Variants in WAC observed in about 807,000 individuals in gnomAD.
The protein encoded by WAC is WW domain-containing adapter protein with coiled-coil.
WAC carries 11 observed loss-of-function variants against 79.6 expected under a neutral mutation model. The ratio of observed to expected loss-of-function variants is 0.14; its 90% CI spans 0.09 to 0.23. The LOEUF is 0.23. Among genes scored for constraint, WAC ranks in the 10% least tolerant of loss-of-function variants. The pLI is 1.00. For synonymous variants in WAC, 304 were observed against 276.9 expected (o/e 1.10, Z -0.97); for missense variants, 728 against 773.5 (o/e 0.94, Z 0.70).
chr10:28,534,945 A>G (rs1836552421), intron 2 of WAC, among the ~76,000 whole-genome samples: 1 of 152,234 alleles, frequency 6.6e-6, no homozygotes, highest in Non-Finnish European at 1.5e-5. Context: ...GTGTTAGAAT[A>G]AAGCTAAACG....
intron 8 of WAC, among the ~76,000 whole-genome samples, chr10:28,609,647 C>CT (rs1312869185): frequency 6.6e-6 from 1 of 152,124 alleles, no homozygotes; most frequent in Non-Finnish European, 1.5e-5. Context: ...CCAGCACTTG[C>CT]TGAGGCTGGT....
intron 3 of WAC, among the ~76,000 whole-genome samples, chr10:28,566,606 T>C (rs907777546): frequency 1.1e-4 from 16 of 152,238 alleles, no homozygotes; most frequent in African/African-American, 3.6e-4. Context: ...TTGCTTTTAC[T>C]CATGAATGAC....
intron 7 of WAC, among the ~76,000 whole-genome samples, chr10:28,607,015 C>G (rs571612302): frequency 1.3e-5 from 2 of 152,136 alleles, no homozygotes; most frequent in Non-Finnish European, 1.5e-5. Flanking sequence ...TGTCCTGATT[C>G]TGAATGAAGT....
chr10:28,619,961 A>T lies in WAC; in HGVS notation c.*355A>T, dbSNP rs753614021. The stretch of plus-strand genomic sequence containing the variant: ...ACCTGTCTGCAAAATTAGCTTTTTT[A>T]AAAAAAAAAAAAAAAAAATTGGGGG... On this transcript the variant is annotated 3_prime_UTR_variant, in exon 14 of 14. Transcript: ENST00000354911. 0.014 allele frequency: 1,026 copies of T among 71,432 alleles called. 10 individuals carry two copies. The highest frequency in any genetic ancestry group is 0.038 in the African/African-American group (894 of 23,298). 4.4% of individuals were successfully genotyped at this position (71,432 alleles called of 1,614,324 possible).
intron 2 of WAC, 158 bp from the exon 3 acceptor site, chr10:28,535,404 T>G (rs1375770689): frequency 3.5e-6 from 3 of 851,214 alleles, no homozygotes; most frequent in Middle Eastern, 7.6e-4. Context: ...AGGTTTTTTG[T>G]CTGAGAAACT....
intron 3 of WAC, among the ~76,000 whole-genome samples, chr10:28,575,305 C>G (rs934159128): frequency 6.6e-6 from 1 of 152,168 alleles, no homozygotes; most frequent in African/African-American, 2.4e-5. Context: ...GCCATCTTTA[C>G]GTCCCCGAGT....
At position 28,583,500 on chromosome 10, in the gene WAC, G is replaced by T; in HGVS notation, c.376G>T (p.Asp126Tyr). 1 of 1,541,818 alleles carries T rather than the reference G, an allele frequency of 6.5e-7. No individual in the cohort carries two copies. The highest frequency in any genetic ancestry group is 1.2e-5 in the South Asian group (1 of 81,774). Reference sequence around the variant, plus strand: ...AAGCAATAACCCAAGCAAAACTTCAGATGCAGTAAGTATTATAAACATGTC... The same window carrying T: ...AAGCAATAACCCAAGCAAAACTTCATATGCAGTAAGTATTATAAACATGTC... ...NPSNNPSKTSDAPYDSADDWS... is the reference protein window; with the variant it reads ...NPSNNPSKTSYAPYDSADDWS... The change falls in exon 4 of 14, where the codon GAT becomes TAT. Residue 126 changes from aspartate (D) to tyrosine (Y), a missense_variant. By Grantham distance (160) the Asp-to-Tyr change is radical. This residue lies in a region of WAC where 648 missense variants were observed against 661.5 expected (regional missense o/e 0.98). Transcript: ENST00000354911.
chr10:28,589,580 C>T, intron 4 of WAC, 156 bp from the exon 5 acceptor site: 1 of 399,284 alleles, frequency 2.5e-6, no homozygotes, highest in East Asian at 3.9e-5. Context: ...TTTTCATAAA[C>T]TAAGGTCTTA....
chr10:28,599,390 T>C (rs1840529649), intron 7 of WAC, among the ~76,000 whole-genome samples: 2 of 152,170 alleles, frequency 1.3e-5, no homozygotes, highest in South Asian at 2.1e-4. Context: ...TGACAGATAA[T>C]AGGCAGTGTG....
At position 28,581,565 on chromosome 10, in the gene WAC, T is replaced by G. The variant is rs926176103; in HGVS notation, c.275-1834T>G. Among the ~76,000 whole-genome samples, 47 of 152,100 alleles carry G rather than the reference T, an allele frequency of 3.1e-4. 2 individuals are homozygous for G. Among genetic ancestry groups the G allele is most frequent in the Non-Finnish European group, 2.9e-5 (2 of 68,016 alleles). ...CTTTTTGTTTGTTTGTTTGTTTGTT[T>G]GTTTTTTGAGACAGAGTCTTGCTCT... On this transcript the variant is annotated intron_variant, in intron 3 of 13. Transcript: ENST00000354911.
chr10:28,614,345 G>A lies in WAC; in HGVS notation c.1438-222G>A, dbSNP rs189599844. Among the ~76,000 whole-genome samples the A allele has an allele frequency of 0.024, 3,728 of 152,186 alleles. 145 individuals carry two copies. Among genetic ancestry groups the A allele is most frequent in the African/African-American group, 0.084 (3,507 of 41,514 alleles). On this transcript the variant is annotated intron_variant, in intron 10 of 13. Transcript: ENST00000354911. ...CCTGACCTCGTGATCCGCCCGCCTC[G>A]GCCTCCCAAAGTGCTGGGATTACAG...
At chr10:28,593,557 C>CCT (rs1448398965) in intron 6 of WAC, among the ~76,000 whole-genome samples, 1 of 151,690 alleles carries the variant, frequency 6.6e-6, no homozygotes, top group Non-Finnish European at 1.5e-5. Context: ...CATCTGAAGT[C>CCT]AAGAGTTTGA....
intron 6 of WAC, among the ~76,000 whole-genome samples, chr10:28,593,808 T>A (rs888855642): frequency 7.2e-5 from 11 of 152,188 alleles, no homozygotes; most frequent in Non-Finnish European, 1.6e-4. Flanking sequence ...TGGATAAAAT[T>A]TTTAATTTGC....
chr10:28,552,211 A>G (rs1034516494), intron 3 of WAC, among the ~76,000 whole-genome samples: 2 of 152,064 alleles, frequency 1.3e-5, no homozygotes, highest in African/African-American at 2.4e-5. Flanking sequence ...ATTCTTAGGT[A>G]TATGTGTGGT....
chr10:28,609,926 CTTTTTT>C (rs35905966), intron 8 of WAC, among the ~76,000 whole-genome samples: 3 of 115,680 alleles, frequency 2.6e-5, no homozygotes, highest in Non-Finnish European at 5.2e-5. Context: ...TTCCTAAATA[CTTTTTT>C]TTTTTTTTTT....
chr10:28,591,311 C>G (rs1425869602), intron 6 of WAC: 2 of 157,148 alleles, frequency 1.3e-5, no homozygotes, highest in African/African-American at 4.9e-5. Context: ...ACTAATTTCA[C>G]CATGATCACA....
intron 3 of WAC, among the ~76,000 whole-genome samples, chr10:28,569,314 C>T (rs1396994388): frequency 6.6e-6 from 1 of 152,072 alleles, no homozygotes; most frequent in Non-Finnish European, 1.5e-5. Context: ...TATGCAAAAA[C>T]TTTTTCATAT....
chr10:28,550,951 G>A (rs1293700734), intron 3 of WAC, among the ~76,000 whole-genome samples: 3 of 152,178 alleles, frequency 2.0e-5, no homozygotes, highest in Non-Finnish European at 2.9e-5. Context: ...GAATACTGAA[G>A]TGACATTTTA....
At position 28,610,679 on chromosome 10, in the gene WAC, A is replaced by G. The variant is rs749114898; in HGVS notation, c.1166-20A>G. 1.6e-5 allele frequency: 26 copies of G among 1,596,386 alleles called. No individual in the cohort carries two copies. Among genetic ancestry groups the G allele is most frequent in the Non-Finnish European group, 2.0e-5 (23 of 1,174,986 alleles). On this transcript the variant is annotated intron_variant, in intron 8 of 13. Transcript: ENST00000354911. ...AAGCCTCTTGTTTTTATATGAATGT[A>G]TGAAATAATATGTTTTTAGTTCTTA...
Sources: gnomAD v4.1 joint callset for allele counts (sites outside exome capture counted in the v4.1 genomes callset) on GRCh38, gnomAD v4.1.1 for gene constraint, gnomAD v4.1.1 regional missense constraint, MANE v1.5 for transcripts, NCBI Gene and HGNC (gene_info 2026-07-23, HGNC 2026-07-21) for gene names.